SEMA6D: variants seen among roughly 807,000 people sequenced by gnomAD.
The protein encoded by SEMA6D is semaphorin-6D.
A neutral mutation model predicts 106.6 loss-of-function variants in SEMA6D; 35 were observed. That is an observed-to-expected ratio of 0.33 (90% confidence interval 0.25 to 0.44). The LOEUF (loss-of-function observed/expected upper bound fraction) is 0.44, where lower values mean the gene tolerates loss of function less well. Ranked by LOEUF, SEMA6D falls within the 20% of genes least tolerant of loss-of-function variation. The pLI, the probability that SEMA6D is intolerant of heterozygous loss-of-function variation, is 1.00. For missense variants in SEMA6D, 1,185 were observed against 1,345.9 expected (o/e 0.88, Z 1.87); for synonymous variants, 499 against 487.7 (o/e 1.02, Z -0.31).
At chr15:47,342,304 C>T (rs1252614841) in intron 1 of SEMA6D, among the ~76,000 whole-genome samples, 1 of 152,200 alleles carries the variant, frequency 6.6e-6, no homozygotes, top group Non-Finnish European at 1.5e-5. Context: ...ATTGTGAGTG[C>T]CACTAGATTC....
chr15:47,464,457 C>G (rs1313943204), intron 2 of SEMA6D, among the ~76,000 whole-genome samples: 1 of 152,140 alleles, frequency 6.6e-6, no homozygotes, highest in South Asian at 2.1e-4. Context: ...TGCCTCATGC[C>G]GAACCACTGC....
chr15:47,223,445 A>G (rs1017884666), intron 1 of SEMA6D, among the ~76,000 whole-genome samples: 2 of 151,814 alleles, frequency 1.3e-5, no homozygotes, highest in African/African-American at 4.8e-5. Flanking sequence ...AGTTCTCTTC[A>G]TGTTTTCTCC....
At chr15:47,594,149 A>G (rs1371962381) in intron 3 of SEMA6D, among the ~76,000 whole-genome samples, 2 of 152,222 alleles carry the variant, frequency 1.3e-5, no homozygotes, top group Non-Finnish European at 2.9e-5. Context: ...ACACTATGAA[A>G]GATAATATTT....
intron 3 of SEMA6D, among the ~76,000 whole-genome samples, chr15:47,474,239 TG>T (rs988532057): frequency 3.9e-5 from 6 of 152,312 alleles, no homozygotes; most frequent in African/African-American, 1.2e-4. Flanking sequence ...GGCTTACCAC[TG>T]AGCCATGAGG....
At chr15:47,660,629 A>G (rs1012163848) in intron 4 of SEMA6D, among the ~76,000 whole-genome samples, 1 of 152,158 alleles carries the variant, frequency 6.6e-6, no homozygotes, top group African/African-American at 2.4e-5. Flanking sequence ...TTTCTGATGG[A>G]CAGTATTTTA....
At chr15:47,354,617 A>G (rs2038490382) in intron 1 of SEMA6D, among the ~76,000 whole-genome samples, 1 of 151,816 alleles carries the variant, frequency 6.6e-6, no homozygotes, top group African/African-American at 2.4e-5. Flanking sequence ...ATGTACATAT[A>G]TACACACATA....
At chr15:47,188,138 A>T (rs1893699876) in intron 1 of SEMA6D, among the ~76,000 whole-genome samples, 1 of 152,114 alleles carries the variant, frequency 6.6e-6, no homozygotes, top group Non-Finnish European at 1.5e-5. Flanking sequence ...TATTTTGGGA[A>T]CATTTTATTT....
chr15:47,608,395 A>G (rs1481567717), intron 4 of SEMA6D, among the ~76,000 whole-genome samples: 3 of 152,180 alleles, frequency 2.0e-5, no homozygotes, highest in African/African-American at 7.2e-5. Flanking sequence ...GTAGACTTCA[A>G]CAGTAGAAAA....
chr15:47,203,319 AG>A (rs1894841379), intron 1 of SEMA6D, among the ~76,000 whole-genome samples: 1 of 152,154 alleles, frequency 6.6e-6, no homozygotes, highest in South Asian at 2.1e-4. Context: ...TCCAAAAGAA[AG>A]GCAATTGTCT....
At chr15:47,332,313 C>G in intron 1 of SEMA6D, among the ~76,000 whole-genome samples, 1 of 152,140 alleles carries the variant, frequency 6.6e-6, no homozygotes. Flanking sequence ...TGAAGAAATA[C>G]TCAGGTTTCC....
chr15:47,193,870 C>G (rs1894144325), intron 1 of SEMA6D, among the ~76,000 whole-genome samples: 1 of 152,036 alleles, frequency 6.6e-6, no homozygotes, highest in Non-Finnish European at 1.5e-5. Flanking sequence ...TCCTTATTGT[C>G]TCTTTAATAG....
At chr15:47,229,958 G>A (rs976235109) in intron 1 of SEMA6D, among the ~76,000 whole-genome samples, 5 of 152,076 alleles carry the variant, frequency 3.3e-5, no homozygotes, top group African/African-American at 1.2e-4. Flanking sequence ...AAGCTTTTTA[G>A]TATAAACCTG....
At chr15:47,254,058 G>A (rs759856051) in intron 1 of SEMA6D, among the ~76,000 whole-genome samples, 47 of 151,100 alleles carry the variant, frequency 3.1e-4, no homozygotes, top group Non-Finnish European at 2.4e-4. Flanking sequence ...TCATTGTAGA[G>A]ATCTTTCACC....
At chr15:47,338,017 G>A (rs1454448918) in intron 1 of SEMA6D, among the ~76,000 whole-genome samples, 2 of 152,090 alleles carry the variant, frequency 1.3e-5, no homozygotes, top group Non-Finnish European at 2.9e-5. Context: ...CAGCTATATT[G>A]CCTGCAGGCA....
At chr15:47,662,379 TTGAG>T (rs2077940754) in intron 4 of SEMA6D, among the ~76,000 whole-genome samples, 1 of 152,166 alleles carries the variant, frequency 6.6e-6, no homozygotes, top group Non-Finnish European at 1.5e-5. Flanking sequence ...GCCATCTTCT[TTGAG>T]TGCACCACTG....
chr15:47,222,502 G>A (rs900880727), intron 1 of SEMA6D, among the ~76,000 whole-genome samples: 3 of 152,044 alleles, frequency 2.0e-5, no homozygotes, highest in South Asian at 2.1e-4. Flanking sequence ...TTCATAAACC[G>A]TCTGTGTTTA....
intron 2 of SEMA6D, among the ~76,000 whole-genome samples, chr15:47,466,890 C>CTTT (rs74867347): frequency 1.5e-5 from 2 of 132,238 alleles, no homozygotes; most frequent in African/African-American, 2.8e-5. Flanking sequence ...CCACGCCTGG[C>CTTT]TTTTTTTTTT....
chr15:47,557,475 G>C (rs1330232231), intron 3 of SEMA6D, among the ~76,000 whole-genome samples: 1 of 152,118 alleles, frequency 6.6e-6, no homozygotes, highest in African/African-American at 2.4e-5. Context: ...TGTCTTGGGT[G>C]CCACCTTCAT....
intron 3 of SEMA6D, among the ~76,000 whole-genome samples, chr15:47,599,460 T>TC (rs397763894): frequency 5.3e-5 from 8 of 151,020 alleles, no homozygotes; most frequent in East Asian, 3.9e-4. Flanking sequence ...TTTTTTTTTT[T>TC]CTCAAAAAGT....
Sources: allele counts gnomAD v4.1 joint callset (sites outside exome capture counted in the v4.1 genomes callset), GRCh38; gene constraint gnomAD v4.1.1; transcripts MANE v1.5; gene names NCBI Gene and HGNC (gene_info 2026-07-23, HGNC 2026-07-21).